MMP26: variants seen among roughly 807,000 people sequenced by gnomAD.
The protein encoded by MMP26 is matrix metalloproteinase-26.
A neutral mutation model predicts 31.0 loss-of-function variants in MMP26; 33 were observed. That is an observed-to-expected ratio of 1.06 (90% CI 0.81 to 1.42). The LOEUF is 1.42. MMP26 is among the 40% of genes most tolerant of loss of function. MMP26 has a pLI of 0.00. For missense variants in MMP26, 347 were observed against 316.1 expected, an observed-to-expected ratio of 1.10 and a Z score of -0.74; for synonymous variants, 122 against 114.9, an observed-to-expected ratio of 1.06 and a Z score of -0.40.
At chr11:4,943,793 T>C (rs1430357645) in intron 2 of MMP26, 1 of 419,864 alleles carries the variant, frequency 2.4e-6, no homozygotes, top group Non-Finnish European at 4.7e-6. Flanking sequence ...TGACCATAAA[T>C]CTTCACCTCC....
At chr11:4,897,296 C>A (rs527958777) in intron 2 of MMP26, among the ~76,000 whole-genome samples, 39 of 152,152 alleles carry the variant, frequency 2.6e-4, no homozygotes, top group African/African-American at 9.2e-4. Flanking sequence ...CATGCCACCA[C>A]GCCCAGCTAA....
chr11:4,921,010 A>G (rs1851175300), intron 2 of MMP26, among the ~76,000 whole-genome samples: 1 of 152,204 alleles, frequency 6.6e-6, no homozygotes, highest in South Asian at 2.1e-4. Flanking sequence ...AGAGGTAGCT[A>G]ATCTTTTAAG....
At chr11:4,900,384 G>C (rs1850782968) in intron 2 of MMP26, among the ~76,000 whole-genome samples, 1 of 152,118 alleles carries the variant, frequency 6.6e-6, no homozygotes, top group Non-Finnish European at 1.5e-5. Flanking sequence ...TCCATTAAGT[G>C]GCCATTTTCT....
At chr11:4,819,878 C>A (rs1003517169) in intron 2 of MMP26, among the ~76,000 whole-genome samples, 1 of 152,048 alleles carries the variant, frequency 6.6e-6, no homozygotes, top group African/African-American at 2.4e-5. Context: ...TGTGCCTGGC[C>A]TCAACTGAAT....
In MMP26 at chr11:4,714,920, T is replaced by TCTCA. The variant is rs376354906; in HGVS notation, c.-217+9876_-217+9877insTCAC. Among the ~76,000 whole-genome samples the TCTCA allele has an allele frequency of 3.1e-3, 442 of 141,752 alleles. 1 individual carries two copies. The highest frequency in any genetic ancestry group is 3.6e-3 in the Non-Finnish European group (234 of 65,664). The allele number at this position is 141,752 out of a possible 152,430, so 93.0% of individuals were successfully genotyped here. ...CCAAATCTCTCTCTCTCTCTCTCTC[T>TCTCA]CACACACACACACACACACACACAC... On this transcript the variant is annotated intron_variant, in intron 1 of 7. Coordinates refer to ENST00000380390, the MANE Select transcript of MMP26 (RefSeq NM_021801.5).
At chr11:4,745,033 C>T (rs910858143) in intron 1 of MMP26, among the ~76,000 whole-genome samples, 2 of 152,042 alleles carry the variant, frequency 1.3e-5, no homozygotes, top group Non-Finnish European at 2.9e-5. Flanking sequence ...TCATGTATTG[C>T]AATTACTGAG....
At chr11:4,745,088 A>G (rs935586733) in intron 1 of MMP26, among the ~76,000 whole-genome samples, 1 of 152,218 alleles carries the variant, frequency 6.6e-6, no homozygotes, top group African/African-American at 2.4e-5. Context: ...ATTCGATGTT[A>G]TGAAAATTAT....
intron 2 of MMP26, among the ~76,000 whole-genome samples, chr11:4,770,777 A>G (rs919569523): frequency 4.6e-5 from 7 of 152,226 alleles, no homozygotes; most frequent in Admixed American, 4.6e-4. Flanking sequence ...CAGGAGGCAG[A>G]GGTTGCAGTG....
At chr11:4,877,888 T>C (rs1850405405) in intron 2 of MMP26, 1 of 152,188 alleles carries the variant, frequency 6.6e-6, no homozygotes, top group Non-Finnish European at 1.5e-5. Context: ...TTCAAACATT[T>C]ATGTATAATA....
At chr11:4,958,291 C>T (rs1210049706) in intron 2 of MMP26, among the ~76,000 whole-genome samples, 3 of 152,180 alleles carry the variant, frequency 2.0e-5, no homozygotes, top group South Asian at 4.1e-4. Context: ...CCGTTTTTAC[C>T]TCTTGCTAGC....
intron 2 of MMP26, chr11:4,795,130 G>T (rs756546899): frequency 3.3e-5 from 5 of 152,198 alleles, no homozygotes; most frequent in Non-Finnish European, 7.3e-5. Flanking sequence ...AAACTTAGAA[G>T]CATCAGAAAG....
intron 2 of MMP26, among the ~76,000 whole-genome samples, chr11:4,791,024 C>T (rs1224774345): frequency 6.6e-6 from 1 of 152,190 alleles, no homozygotes; most frequent in East Asian, 1.9e-4. Context: ...AATATTCCAA[C>T]ATCCTGCTTG....
intron 2 of MMP26, among the ~76,000 whole-genome samples, chr11:4,879,798 T>A (rs1291931578): frequency 6.6e-6 from 1 of 152,044 alleles, no homozygotes; most frequent in Non-Finnish European, 1.5e-5. Context: ...AGAGGAGGGA[T>A]GTAGGAATGG....
chr11:4,865,450 A>G (rs1850220706), intron 2 of MMP26, among the ~76,000 whole-genome samples: 1 of 152,132 alleles, frequency 6.6e-6, no homozygotes, highest in South Asian at 2.1e-4. Context: ...GATATGAACC[A>G]AAAAAACTAT....
intron 1 of MMP26, among the ~76,000 whole-genome samples, chr11:4,749,621 C>T (rs1205376834): frequency 6.6e-6 from 1 of 152,026 alleles, no homozygotes; most frequent in Non-Finnish European, 1.5e-5. Flanking sequence ...AGAAATAAAG[C>T]CACATATCTA....
Position 4,989,679 on chromosome 11 carries a change from A to C in MMP26, c.131A>C (p.Lys44Thr), listed in dbSNP as rs1846964218. 1 of 1,613,332 alleles carries C rather than the reference A, an allele frequency of 6.2e-7. No homozygotes were observed. Among genetic ancestry groups the C allele is most frequent in the African/African-American group, 1.3e-5 (1 of 74,908 alleles). Residue 44 changes from lysine to threonine, a missense_variant, in exon 4 of 8, where the codon AAG (lysine) becomes ACG (threonine). Transcript: ENST00000380390. ...TTCCATCAATTTTTCCTGACCAAGA[A>C]GGAGTCGCCACTCCTTACCCAGGAG... ...GYFHQFFLTK[K>T]ESPLLTQETQ...
intron 2 of MMP26, chr11:4,945,727 A>C: frequency 4.5e-6 from 1 of 220,054 alleles, no homozygotes; most frequent in Non-Finnish European, 9.0e-6. Context: ...GTATCCCAAT[A>C]TGGAATATAA....
chr11:4,882,399 C>T, intron 2 of MMP26: 1 of 1,613,934 alleles, frequency 6.2e-7, no homozygotes, highest in Non-Finnish European at 8.5e-7. Flanking sequence ...GCCATAAACA[C>T]TGTGTCTTTT....
At chr11:4,791,146 T>C (rs1031971526) in intron 2 of MMP26, among the ~76,000 whole-genome samples, 1 of 152,154 alleles carries the variant, frequency 6.6e-6, no homozygotes, top group Admixed American at 6.6e-5. Flanking sequence ...AGGCCACAAT[T>C]TGTGCTTTTA....
Sources: allele counts gnomAD v4.1 joint callset (sites outside exome capture counted in the v4.1 genomes callset), GRCh38; gene constraint gnomAD v4.1.1; transcripts MANE v1.5; gene names NCBI Gene and HGNC (gene_info 2026-07-23, HGNC 2026-07-21).